The following HAUS3 variants were observed in gnomAD, a reference collection of about 807,000 sequenced individuals.
The protein encoded by HAUS3 is HAUS augmin-like complex subunit 3.
HAUS3 carries 36 observed loss-of-function variants against 55.2 expected under a neutral mutation model. The ratio of observed to expected loss-of-function variants is 0.65; its 90% CI spans 0.50 to 0.86. The LOEUF (loss-of-function observed/expected upper bound fraction) is 0.86. HAUS3 is among the 40% of genes least tolerant of loss of function. The pLI is 0.00. For missense variants in HAUS3, 752 were observed against 671.5 expected, an observed-to-expected ratio of 1.12 and a Z score of -1.33; for synonymous variants, 234 against 238.6, an observed-to-expected ratio of 0.98 and a Z score of 0.18.
At position 2,240,222 on chromosome 4, in the gene HAUS3, T is replaced by G; in HGVS notation, c.725A>C (p.Asp242Ala). 1 of 1,613,852 alleles carries G rather than the reference T, an allele frequency of 6.2e-7. No individual in the cohort carries two copies. The highest frequency in any genetic ancestry group is 8.5e-7 in the Non-Finnish European group (1 of 1,179,870). Residue 242 changes from aspartate to alanine, a missense_variant, in exon 3 of 6, where the codon GAT (aspartate) becomes GCT (alanine). By Grantham distance (126) the Asp-to-Ala change is moderately radical. Transcript: ENST00000443786. ...ATCACAAATAGATGGTGTCTGTATA[T>G]CTAAAAGTTGAAAATTGTCTTCATT... ...SSNEDNFQLL[D>A]IQTPSICDNQ...
At position 2,235,988 on chromosome 4, in the gene HAUS3, C is replaced by T. The variant is rs183078450; in HGVS notation, c.1578+240G>A. On this transcript the variant is annotated intron_variant, in intron 5 of 5. Transcript: ENST00000443786. ...ATTTATTTTTTAACACTAGTATAAA[C>T]ATTACATATTCTTTTGTGTCTGAAA... Among the ~76,000 whole-genome samples, 28 of 151,894 alleles carry T rather than the reference C, an allele frequency of 1.8e-4. No individual in the cohort carries two copies. In the East Asian group the frequency reaches 5.0e-3, roughly 27 times the overall value.
rs144173601 is a variant in HAUS3, at chr4:2,240,105, G to A, written c.842C>T (p.Ala281Val). Residue 281 changes from alanine to valine, a missense_variant, in exon 3 of 6, where the codon GCA becomes GTA. Ala to Val is a moderately conservative substitution (Grantham distance 64). Transcript: ENST00000443786. The part of the protein sequence containing the change: ...CAQHQLIHLK[A>V]SNSSMKSSIK... ...ACTTGACTTCATGCTCGAATTACTT[G>A]CTTTTAAGTGAATTAACTGATGTTG... 6 of 1,613,784 alleles carry A rather than the reference G, an allele frequency of 3.7e-6. No individual in the cohort carries two copies. The African/African-American group carries it at 6.7e-5, about 18-fold the overall frequency.
At chr4:2,236,522 T>A in intron 4 of HAUS3, 66 bp from the exon 5 acceptor site, 2 of 1,119,940 alleles carry the variant, frequency 1.8e-6, no homozygotes, top group Non-Finnish European at 2.7e-6. Context: ...AAAATTACAA[T>A]CCACTGTATT....
At chr4:2,236,747 C>A (rs942299210) in intron 4 of HAUS3, among the ~76,000 whole-genome samples, 2 of 151,866 alleles carry the variant, frequency 1.3e-5, no homozygotes, top group Non-Finnish European at 2.9e-5. Context: ...CCTATAGTCC[C>A]AGATACTCCG....
rs757244298 is a variant in HAUS3 at position 2,240,113 on chromosome 4, G to C, written c.834C>G (p.His278Gln). The part of the protein sequence containing the change: ...AYICAQHQLI[H>Q]LKASNSSMKS... The stretch of plus-strand genomic sequence containing the variant: ...TCATGCTCGAATTACTTGCTTTTAA[G>C]TGAATTAACTGATGTTGAGCACAAA... The change falls in exon 3 of 6, where the codon CAC becomes CAG. Residue 278 changes from histidine (H) to glutamine (Q), a missense_variant. Coordinates refer to ENST00000443786, the MANE Select transcript of HAUS3 (RefSeq NM_001303143.2). 2 of 1,614,018 alleles carry C rather than the reference G, an allele frequency of 1.2e-6. No individual in the cohort carries two copies. The highest frequency in any genetic ancestry group is 1.7e-6 in the Non-Finnish European group (2 of 1,179,930).
rs796696731 is a variant in HAUS3 at position 2,230,444 on chromosome 4, C to G, written c.*1483G>C. ...AAAATTTTAAGTAAATTCTCTATTCCGAAATAGAATAGAAAAAAACATATA... is the reference window on the plus strand; with the variant it reads ...AAAATTTTAAGTAAATTCTCTATTCGGAAATAGAATAGAAAAAAACATATA... On this transcript the variant is annotated 3_prime_UTR_variant, in exon 6 of 6. Coordinates refer to ENST00000443786, the MANE Select transcript of HAUS3 (RefSeq NM_001303143.2). 6.6e-6 allele frequency: 1 copy of G among 151,488 alleles called. No homozygotes were observed. Among genetic ancestry groups the G allele is most frequent in the African/African-American group, 2.4e-5 (1 of 41,138 alleles). The allele number at this position is 151,488 out of a possible 1,614,324, so 9.4% of individuals were successfully genotyped here.
Position 2,240,895 on chromosome 4 carries a change from T to C in HAUS3, c.52A>G (p.Lys18Glu), listed in dbSNP as rs1246105108. The C allele has an allele frequency of 1.2e-6, 2 of 1,602,376 alleles. No individual in the cohort carries two copies. The highest frequency in any genetic ancestry group is 1.7e-6 in the Non-Finnish European group (2 of 1,178,480). Residue 18 changes from lysine to glutamate, a missense_variant, in exon 3 of 6, where the codon AAA becomes GAA. Transcript: ENST00000443786. Reference protein sequence around the residue: ...VETLKKIGYPKADNLNGEDFD... With the variant: ...VETLKKIGYPEADNLNGEDFD... ...TCTTCTCCATTAAGATTATCAGCTTTGGGATAACCAATTTTTTTTAATGTT... is the reference window on the plus strand; with the variant it reads ...TCTTCTCCATTAAGATTATCAGCTTCGGGATAACCAATTTTTTTTAATGTT...
At position 2,240,153 on chromosome 4, in the gene HAUS3, A is replaced by G; in HGVS notation, c.794T>C (p.Leu265Pro). The change falls in exon 3 of 6, where the codon CTG (leucine) becomes CCG (proline). Residue 265 changes from leucine to proline, a missense_variant. Leu to Pro is a moderately conservative substitution (Grantham distance 98, BLOSUM62 -3). Transcript: ENST00000443786. ...LEERRLEMAR[L>P]QLAYICAQHQ... ...TTGAGCACAAATGTATGCGAGCTGC[A>G]GTCTAGCCATCTCTAGTCGTCTCTC... 4.3e-6 allele frequency: 7 copies of G among 1,613,928 alleles called. No individual in the cohort carries two copies. Among genetic ancestry groups the G allele is most frequent in the Non-Finnish European group, 5.1e-6 (6 of 1,179,762 alleles).
chr4:2,228,980 TA>T lies in HAUS3; in HGVS notation c.*2946del. The stretch of plus-strand genomic sequence containing the variant: ...AAGCTCAGTCTGCACTGAATGAGTG[TA>T]AAAGGGGCGGGAGCTGGGCTTCATC... On this transcript the variant is annotated 3_prime_UTR_variant, in exon 6 of 6. Transcript: ENST00000443786. The T allele has an allele frequency of 1.0e-6, 1 of 998,762 alleles. No individual in the cohort carries two copies. The highest frequency in any genetic ancestry group is 1.5e-6 in the Non-Finnish European group (1 of 687,730). 61.9% of individuals were successfully genotyped at this position (998,762 alleles called of 1,614,324 possible). A position where few individuals can be genotyped will look rare whatever the true frequency, so the allele number is the denominator to read the frequency against.
At position 2,240,347 on chromosome 4, in the gene HAUS3, C is replaced by T. The variant is rs565625287; in HGVS notation, c.600G>A (p.Leu200=). 4 of 1,601,480 alleles carry T rather than the reference C, an allele frequency of 2.5e-6. No homozygotes were observed. The African/African-American group carries it at 5.4e-5, about 21-fold the overall frequency. ...GCTCTTCCTGACTTAGGTATTTTTCCAAGGAAAATTGCGATAAAAATACCA... is the reference window on the plus strand; with the variant it reads ...GCTCTTCCTGACTTAGGTATTTTTCTAAGGAAAATTGCGATAAAAATACCA... ...NPLVFLSQFS[L]EKYLSQEEQS... is the part of the protein sequence containing the mutation. Residue 200 remains leucine (L), a synonymous_variant, in exon 3 of 6, where the codon TTG becomes TTA. Transcript: ENST00000443786.
At position 2,240,024 on chromosome 4, in the gene HAUS3, T is replaced by C. The variant is rs374960320; in HGVS notation, c.909+14A>G. 6.3e-7 allele frequency: 1 copy of C among 1,599,690 alleles called. No individual in the cohort carries two copies. The highest frequency in any genetic ancestry group is 1.1e-5 in the South Asian group (1 of 89,836). On this transcript the variant is annotated intron_variant, in intron 3 of 5. Transcript: ENST00000443786. ...TAATTACAATGTGAATCCAATCTCATTTCTTATGCTTACCTTGCTGGTTAG... is the reference window on the plus strand; with the variant it reads ...TAATTACAATGTGAATCCAATCTCACTTCTTATGCTTACCTTGCTGGTTAG...
chr4:2,238,220 C>G (rs961162634), intron 4 of HAUS3, among the ~76,000 whole-genome samples: 1 of 152,104 alleles, frequency 6.6e-6, no homozygotes, highest in Non-Finnish European at 1.5e-5. Context: ...GTCTTCTCCC[C>G]TCTCTACTGC....
chr4:2,241,661 C>A lies in HAUS3; in HGVS notation c.-289G>T. 1 of 985,486 alleles carries A rather than the reference C, an allele frequency of 1.0e-6. No homozygotes were observed. The highest frequency in any genetic ancestry group is 1.2e-6 in the Non-Finnish European group (1 of 829,932). 61.0% of individuals were successfully genotyped at this position (985,486 alleles called of 1,614,324 possible). ...AGCCAGCGCTGAGGCAGCCCCGACG[C>A]CAGGGCCGCGCGAACCCCAGAGGCA... On this transcript the variant is annotated 5_prime_UTR_variant, in exon 2 of 6. Coordinates refer to ENST00000443786, the MANE Select transcript of HAUS3 (RefSeq NM_001303143.2).
In HAUS3 at chr4:2,240,399, G is replaced by C. The variant is rs186855447; in HGVS notation, c.548C>G (p.Ser183Cys). The change falls in exon 3 of 6, where the codon TCT (serine) becomes TGT (cysteine). Residue 183 changes from serine (S) to cysteine (C), a missense_variant. By Grantham distance (112) the Ser-to-Cys change is moderately radical. Coordinates refer to ENST00000443786, the MANE Select transcript of HAUS3 (RefSeq NM_001303143.2). ...VTQLMMFFRH[S>C]NLGQGTNPLV... Reference sequence around the variant, plus strand: ...TGGATTTGTCCCTTGACCTAAATTAGAATGTCTGAAGAACATCATCAATTG... The same window carrying C: ...TGGATTTGTCCCTTGACCTAAATTACAATGTCTGAAGAACATCATCAATTG... 8.9e-5 allele frequency: 143 copies of C among 1,612,098 alleles called. No homozygotes were observed. The East Asian group carries it at 3.0e-3, about 34-fold the overall frequency.
intron 5 of HAUS3, among the ~76,000 whole-genome samples, chr4:2,235,486 C>G (rs1428047609): frequency 1.3e-5 from 2 of 152,198 alleles, no homozygotes; most frequent in Non-Finnish European, 2.9e-5. Context: ...ACCTAAATGT[C>G]TGTCAATCTA....
Position 2,240,811 on chromosome 4 carries a change from T to A in HAUS3, c.136A>T (p.Asn46Tyr). The A allele has an allele frequency of 1.2e-6, 2 of 1,613,892 alleles. No individual in the cohort carries two copies. Among genetic ancestry groups the A allele is most frequent in the Non-Finnish European group, 1.7e-6 (2 of 1,179,998 alleles). Residue 46 changes from asparagine to tyrosine, a missense_variant, in exon 3 of 6, where the codon AAT becomes TAT. Asn to Tyr is a moderately radical substitution (Grantham distance 143). Transcript: ENST00000443786. ...GACAACACGTTCTGTTCATTCACAT[T>A]CCCACAAAACCACTTCAGAAACGAT... Reference protein sequence around the residue: ...DESFLKWFCGNVNEQNVLSER... With the variant: ...DESFLKWFCGYVNEQNVLSER...
intron 5 of HAUS3, among the ~76,000 whole-genome samples, chr4:2,235,406 G>A (rs1734725579): frequency 6.6e-6 from 1 of 152,310 alleles, no homozygotes; most frequent in Middle Eastern, 3.4e-3. Context: ...GGAGAAACTG[G>A]AATTGTGCAG....
intron 4 of HAUS3, among the ~76,000 whole-genome samples, chr4:2,237,474 G>C (rs947067207): frequency 6.6e-6 from 1 of 151,022 alleles, no homozygotes; most frequent in African/African-American, 2.4e-5. Context: ...GGAAAGAAGA[G>C]AGAAAGAGAG....
chr4:2,239,973 AATATT>A, intron 3 of HAUS3, 60 bp downstream of exon 3: 1 of 1,250,596 alleles, frequency 8.0e-7, no homozygotes, highest in Non-Finnish European at 1.1e-6. Flanking sequence ...CTTTAACAGC[AATATT>A]ATCTCCTCTA....
Sources: allele counts gnomAD v4.1 joint callset (sites outside exome capture counted in the v4.1 genomes callset), GRCh38; gene constraint gnomAD v4.1.1; transcripts MANE v1.5; gene names NCBI Gene and HGNC (gene_info 2026-07-23, HGNC 2026-07-21).